The following DNAJC7 variants were observed in gnomAD, a reference collection of about 807,000 sequenced individuals.
The protein encoded by DNAJC7 is DnaJ heat shock protein family (Hsp40) member C7.
DNAJC7 carries 18 observed loss-of-function variants against 67.4 expected under a neutral mutation model. The ratio of observed to expected loss-of-function variants is 0.27; its 90% CI spans 0.18 to 0.40. DNAJC7 has a LOEUF of 0.40. DNAJC7 is among the 10% of genes least tolerant of loss of function. The probability of loss-of-function intolerance (pLI) is 1.00; values close to 1 mark genes in which losing one functional copy is unlikely to be tolerated. For synonymous variants in DNAJC7, 220 were observed against 207.8 expected (o/e 1.06, Z -0.50); for missense variants, 419 against 613.8 (o/e 0.68, Z 3.35).
intron 13 of DNAJC7, 154 bp from the exon 14 acceptor site, chr17:41,976,924 A>G: frequency 2.3e-6 from 2 of 875,716 alleles, no homozygotes; most frequent in Non-Finnish European, 3.5e-6. Flanking sequence ...TTTTGGGTGC[A>G]AGAGGGAGCA....
Position 41,997,689 on chromosome 17 carries a change from T to C in DNAJC7, c.167-450A>G, listed in dbSNP as rs146054755. 6.1e-4 allele frequency among the ~76,000 whole-genome samples: 93 copies of C among 152,236 alleles called. 2 individuals are homozygous for C. In the East Asian group the frequency reaches 0.017, roughly 28 times the overall value. On this transcript the variant is annotated intron_variant, in intron 2 of 13. Transcript: ENST00000457167. ...TATCTGTAACGCTCATAAACTCTTTTTTCTTCATGGAGACAGGGTCTCACT... is the reference window on the plus strand; with the variant it reads ...TATCTGTAACGCTCATAAACTCTTTCTTCTTCATGGAGACAGGGTCTCACT...
At chr17:42,008,086 G>A (rs976350637) in intron 1 of DNAJC7, among the ~76,000 whole-genome samples, 4 of 151,862 alleles carry the variant, frequency 2.6e-5, no homozygotes, top group Non-Finnish European at 4.4e-5. Context: ...GCCAAGGAGG[G>A]TGGATCACCT....
intron 10 of DNAJC7, 98 bp from the exon 11 acceptor site, chr17:41,982,499 C>T (rs2051275548): frequency 6.8e-7 from 1 of 1,470,914 alleles, no homozygotes; most frequent in Non-Finnish European, 9.2e-7. Flanking sequence ...GCCTTGTTAA[C>T]CATGCCAGGG....
chr17:41,982,745 G>A (rs1032599504), intron 10 of DNAJC7, among the ~76,000 whole-genome samples: 1 of 152,132 alleles, frequency 6.6e-6, no homozygotes, highest in Admixed American at 6.6e-5. Context: ...GATCACCCGA[G>A]GTCAGGAGTT....
Position 41,990,342 on chromosome 17 carries a change from G to A in DNAJC7, c.521C>T (p.Ala174Val), listed in dbSNP as rs2051482649. Residue 174 changes from alanine to valine, a missense_variant, in exon 6 of 14, where the codon GCC becomes GTC. Ala to Val is a moderately conservative substitution (Grantham distance 64). Coordinates refer to ENST00000457167, the MANE Select transcript of DNAJC7 (RefSeq NM_003315.4). ...CTTGAGGATTTTGAAGCGATGGCAGGCAGGGGCAAATTCTAGGGCACGGTC... is the reference window on the plus strand; with the variant it reads ...CTTGAGGATTTTGAAGCGATGGCAGACAGGGGCAAATTCTAGGGCACGGTC... ...CMDRALEFAP[A>V]CHRFKILKAE... The A allele has an allele frequency of 6.2e-7, 1 of 1,611,540 alleles. No homozygotes were observed. The highest frequency in any genetic ancestry group is 8.5e-7 in the Non-Finnish European group (1 of 1,178,884).
rs60465121 is a variant in DNAJC7, at chr17:42,005,927, C to CTTTA, written c.78-5361_78-5358dup. ...GGCCAATTTTTTTTTGAGAAAAGAG[C>CTTTA]TTTATTTATTTATTTATTTAATTTT... On this transcript the variant is annotated intron_variant, in intron 1 of 13. Coordinates refer to ENST00000457167, the MANE Select transcript of DNAJC7 (RefSeq NM_003315.4). Among the ~76,000 whole-genome samples the CTTTA allele has an allele frequency of 3.6e-3, 523 of 146,442 alleles. 14 individuals carry two copies. The East Asian group carries it at 0.078, about 22-fold the overall frequency.
At chr17:41,984,581 A>C (rs1488950555) in intron 9 of DNAJC7, 1 of 152,110 alleles carries the variant, frequency 6.6e-6, no homozygotes, top group East Asian at 1.9e-4. Context: ...TGTTGGGATT[A>C]TAGGCGTGAG....
chr17:41,987,889 T>C lies in DNAJC7; in HGVS notation c.940A>G (p.Ile314Val), dbSNP rs1555647131. The change falls in exon 9 of 14, where the codon ATA (isoleucine) becomes GTA (valine). Residue 314 changes from isoleucine to valine, a missense_variant. Ile to Val is a conservative substitution (Grantham distance 29, BLOSUM62 3). Around this residue, in one of 4 missense-constraint regions of DNAJC7, gnomAD observed 161 missense variants for 252.2 expected, o/e 0.64. Coordinates refer to ENST00000457167, the MANE Select transcript of DNAJC7 (RefSeq NM_003315.4). ...TTCACTGCATTTGTGCAGTCTTCTA[T>C]TGCATCATCTAGTTTCCTAAGCTTC... is the stretch of plus-strand genomic sequence containing the variant. ...NSKLRKLDDA[I>V]EDCTNAVKLD... 1 of 1,611,546 alleles carries C rather than the reference T, an allele frequency of 6.2e-7. No individual in the cohort carries two copies. The highest frequency in any genetic ancestry group is 1.3e-5 in the African/African-American group (1 of 74,918).
intron 5 of DNAJC7, among the ~76,000 whole-genome samples, chr17:41,992,311 T>G (rs1306563446): frequency 6.6e-6 from 1 of 152,134 alleles, no homozygotes; most frequent in Non-Finnish European, 1.5e-5. Flanking sequence ...TAGCTGGGAT[T>G]ACAGACATGC....
chr17:41,986,522 C>G (rs1260763137), intron 9 of DNAJC7, among the ~76,000 whole-genome samples: 1 of 151,008 alleles, frequency 6.6e-6, no homozygotes, highest in Non-Finnish European at 1.5e-5. Context: ...AGGTGATTCT[C>G]CCCCCGCCTT....
At chr17:42,017,064 C>T (rs1293580912) in intron 1 of DNAJC7, 13 of 1,375,994 alleles carry the variant, frequency 9.4e-6, no homozygotes, top group Non-Finnish European at 1.1e-5. Flanking sequence ...CTGAAATTGC[C>T]CTCGGAGACT....
chr17:41,991,188 G>C (rs1555647729), intron 5 of DNAJC7, among the ~76,000 whole-genome samples: 1 of 152,174 alleles, frequency 6.6e-6, no homozygotes, highest in Admixed American at 6.5e-5. Context: ...ATTCCTGGGA[G>C]AGCCTTGCTG....
chr17:42,011,783 T>TA (rs1417541727), intron 1 of DNAJC7: 1 of 152,018 alleles, frequency 6.6e-6, no homozygotes, highest in Non-Finnish European at 1.5e-5. Context: ...CCTAAGAATT[T>TA]AAAACCAGGT....
chr17:42,001,959 A>AGTAACTG (rs1178625874), intron 1 of DNAJC7, among the ~76,000 whole-genome samples: 1 of 152,220 alleles, frequency 6.6e-6, no homozygotes, highest in African/African-American at 2.4e-5. Flanking sequence ...AATCTGCTTG[A>AGTAACTG]GTAACTGTCT....
At chr17:41,993,727 C>T (rs1329524540) in intron 5 of DNAJC7, among the ~76,000 whole-genome samples, 6 of 152,026 alleles carry the variant, frequency 3.9e-5, no homozygotes, top group Non-Finnish European at 7.4e-5. Context: ...ATAATAACTG[C>T]GAGGTCTAGA....
chr17:42,008,699 C>T (rs1459635148), intron 1 of DNAJC7, among the ~76,000 whole-genome samples: 1 of 151,920 alleles, frequency 6.6e-6, no homozygotes, highest in African/African-American at 2.4e-5. Flanking sequence ...CGTGAGCCAC[C>T]GCGCCGGGTC....
intron 9 of DNAJC7, 50 bp from the exon 10 acceptor site, chr17:41,983,686 G>A: frequency 2.0e-6 from 3 of 1,521,668 alleles, no homozygotes; most frequent in East Asian, 2.3e-5. Flanking sequence ...AATAGCAGTG[G>A]TTCTCAGGAT....
intron 12 of DNAJC7, chr17:41,977,532 C>G (rs1275777069): frequency 2.3e-6 from 1 of 442,900 alleles, no homozygotes; most frequent in Non-Finnish European, 4.1e-6. Context: ...GGACATGTTC[C>G]CTTCTCCTTC....
rs1598109329 is a variant in DNAJC7, at chr17:41,976,725, G to A, written c.*8C>T. The A allele has an allele frequency of 6.2e-7, 1 of 1,610,100 alleles. No individual in the cohort carries two copies. Among genetic ancestry groups the A allele is most frequent in the Non-Finnish European group, 8.5e-7 (1 of 1,179,218 alleles). ...TGCATTTTCTGGGTTCTGGGTGGTTGCCCTTCATTAGCCAAATTGAAAAAA... is the reference window on the plus strand; with the variant it reads ...TGCATTTTCTGGGTTCTGGGTGGTTACCCTTCATTAGCCAAATTGAAAAAA... On this transcript the variant is annotated 3_prime_UTR_variant, in exon 14 of 14. Coordinates refer to ENST00000457167, the MANE Select transcript of DNAJC7 (RefSeq NM_003315.4).
Sources: allele counts gnomAD v4.1 joint callset (sites outside exome capture counted in the v4.1 genomes callset), GRCh38; gene constraint gnomAD v4.1.1; regional missense constraint gnomAD v4.1.1; transcripts MANE v1.5; gene names NCBI Gene and HGNC (gene_info 2026-07-23, HGNC 2026-07-21).